The following DMD variants were observed in gnomAD, a reference collection of about 807,000 sequenced individuals.
DMD encodes the protein mutant dystrophin.
In DMD, 63 loss-of-function variants were observed where a neutral mutation model predicts 330.1. That is an observed-to-expected ratio of 0.19 (90% confidence interval 0.16 to 0.24). The LOEUF is 0.24. Ranked by LOEUF, DMD falls within the 10% of genes least tolerant of loss-of-function variation. The pLI is 1.00. For synonymous variants in DMD, 1,223 were observed against 959.8 expected (o/e 1.27, Z -5.07); for missense variants, 3,344 against 2,684.1 (o/e 1.25, Z -5.43).
chrX:31,583,320 T>G (rs772219423), intron 55 of DMD, among the ~76,000 whole-genome samples: 5 of 111,360 alleles, frequency 4.5e-5, no homozygotes, highest in Non-Finnish European at 7.5e-5. Flanking sequence ...GTGCTGAGGG[T>G]AGGATCTGGG....
chrX:32,797,752 T>C lies in DMD; in HGVS notation c.649+11741A>G, dbSNP rs57653996. ...AATTTATTAATGTCTTGTCAATCATTCAAAAATCACTTAATGTCACTGTAT... is the reference window on the plus strand; with the variant it reads ...AATTTATTAATGTCTTGTCAATCATCCAAAAATCACTTAATGTCACTGTAT... On this transcript the variant is annotated intron_variant, in intron 7 of 78. Transcript: ENST00000357033. 1.4e-3 allele frequency among the ~76,000 whole-genome samples: 160 copies of C among 111,540 alleles called. 1 individual carries two copies. In the East Asian group the frequency reaches 0.038, roughly 27 times the overall value.
At chrX:31,512,950 A>T (rs2071785570) in intron 55 of DMD, among the ~76,000 whole-genome samples, 1 of 107,677 alleles carries the variant, frequency 9.3e-6, no homozygotes, top group Admixed American at 1.0e-4. Context: ...CACAATATTG[A>T]TTCTTCCTAC....
Position 31,961,738 on chromosome X carries a change from C to CG in DMD, c.6614+6600dup, listed in dbSNP as rs1385971629. On this transcript the variant is annotated intron_variant, in intron 45 of 78. Transcript: ENST00000357033. ...GGAAAGAGAATTCAACCAAAGGAAG[C>CG]GGTTTTTTTTTTTTTTTGTCTTGTT... is the stretch of plus-strand genomic sequence containing the variant. 7.0e-3 allele frequency among the ~76,000 whole-genome samples: 457 copies of CG among 65,430 alleles called. 9 individuals are homozygous for CG. Among genetic ancestry groups the CG allele is most frequent in the African/African-American group, 0.039 (434 of 11,105 alleles). The allele number at this position is 65,430 out of a possible 115,157, so 56.8% of individuals were successfully genotyped here.
intron 47 of DMD, among the ~76,000 whole-genome samples, chrX:31,907,322 G>C (rs1271834687): frequency 9.0e-6 from 1 of 111,702 alleles, no homozygotes; most frequent in African/African-American, 3.3e-5. Context: ...GGAAACTAAG[G>C]CTACTGTAAC....
intron 16 of DMD, among the ~76,000 whole-genome samples, chrX:32,559,125 G>C (rs184240096): frequency 5.6e-4 from 60 of 107,862 alleles, no homozygotes; most frequent in African/African-American, 1.8e-3. Context: ...TACTTTTTTT[G>C]TATTTTTAGT....
rs780778975 is a variant in DMD at position 32,346,000 on chromosome X, C to T, written c.5529G>A (p.Lys1843=). The change falls in exon 39 of 79, where the codon AAG becomes AAA. Residue 1843 remains lysine, a synonymous_variant. Coordinates refer to ENST00000357033, the MANE Select transcript of DMD (RefSeq NM_004006.3). ...GCTGTTTTATCTTTATTTCCTCTCG[C>T]TTTCTCTCATCTGTGATTCTTTGTT... The part of the protein sequence containing the change: ...NLQQRITDER[K]REEIKIKQQL... The T allele has an allele frequency of 1.1e-5, 13 of 1,209,623 alleles. No individual in the cohort carries two copies. In the Admixed American group the frequency reaches 1.7e-4, roughly 16 times the overall value.
chrX:32,466,770 A>C (rs1197416539), intron 23 of DMD, among the ~76,000 whole-genome samples: 1 of 111,495 alleles, frequency 9.0e-6, no homozygotes, highest in Non-Finnish European at 1.9e-5. Context: ...GAGACAAGGA[A>C]TGCTTCTAGA....
chrX:31,617,778 GTTCATTGCTGCACTATTCCCA>G lies in DMD; in HGVS notation c.8217+9874_8217+9894del, dbSNP rs766413376. Among the ~76,000 whole-genome samples the G allele has an allele frequency of 3.6e-5, 4 of 111,296 alleles. No homozygotes were observed. The East Asian group carries it at 1.1e-3, about 32-fold the overall frequency. On this transcript the variant is annotated intron_variant, in intron 55 of 78. Coordinates refer to ENST00000357033, the MANE Select transcript of DMD (RefSeq NM_004006.3). ...ACCATAAAGACACATGCAGCTGTAT[GTTCATTGCTGCACTATTCCCA>G]ATACCAAAGACATGGAATCAACCTA...
intron 60 of DMD, among the ~76,000 whole-genome samples, chrX:31,359,284 A>G (rs1169644320): frequency 8.9e-6 from 1 of 112,303 alleles, no homozygotes; most frequent in Non-Finnish European, 1.9e-5. Context: ...ACAGATTCTT[A>G]GCTCGTCTAA....
At position 31,358,827 on chromosome X, in the gene DMD, T is replaced by G. The variant is rs2058791864; in HGVS notation, c.9085-10193A>C. The stretch of plus-strand genomic sequence containing the variant: ...CCTGAAATTGTCAACGAAGTGTAGG[T>G]AAAGTTAAGGCGGGGCCCTAGGCTG... On this transcript the variant is annotated intron_variant, in intron 60 of 78. Transcript: ENST00000357033. Among the ~76,000 whole-genome samples, 3 of 112,330 alleles carry G rather than the reference T, an allele frequency of 2.7e-5. No individual in the cohort carries two copies. In the South Asian group the frequency reaches 1.1e-3, roughly 41 times the overall value.
chrX:32,040,142 A>G (rs143839223), intron 44 of DMD, among the ~76,000 whole-genome samples: 2 of 112,133 alleles, frequency 1.8e-5, no homozygotes, highest in Non-Finnish European at 3.8e-5. Flanking sequence ...TTTAGCACGC[A>G]TATTATTGGG....
rs772173345 is a variant in DMD at position 32,645,217 on chromosome X, A to C, written c.961-65T>G. ...CTTTGCAGATTGTTCCAGTACATTA[A>C]ATGATGAATCGAATGAAATATTTAA... On this transcript the variant is annotated intron_variant, in intron 9 of 78. Transcript: ENST00000357033. 2.7e-6 allele frequency: 3 copies of C among 1,102,691 alleles called. No homozygotes were observed. The South Asian group carries it at 5.7e-5, about 21-fold the overall frequency. 90.9% of individuals were successfully genotyped at this position (1,102,691 alleles called of 1,213,427 possible).
intron 51 of DMD, among the ~76,000 whole-genome samples, chrX:31,753,853 T>C (rs2088817700): frequency 8.9e-6 from 1 of 111,769 alleles, no homozygotes; most frequent in African/African-American, 3.2e-5. Flanking sequence ...AAATTTAAAA[T>C]GTTGCTGATG....
At chrX:31,143,705 CTTTAA>C (rs1032712640) in intron 76 of DMD, among the ~76,000 whole-genome samples, 6 of 111,760 alleles carry the variant, frequency 5.4e-5, no homozygotes, top group African/African-American at 9.8e-5. Flanking sequence ...CTAATGTGCA[CTTTAA>C]TTTGAGTGCT....
chrX:32,439,948 C>A (rs1049527345), intron 28 of DMD, among the ~76,000 whole-genome samples: 3 of 110,872 alleles, frequency 2.7e-5, no homozygotes, highest in African/African-American at 9.8e-5. Context: ...AGTTTTGTTT[C>A]CCCATCTTTT....
intron 7 of DMD, among the ~76,000 whole-genome samples, chrX:32,771,424 T>C (rs1398101688): frequency 1.8e-5 from 2 of 110,677 alleles, no homozygotes; most frequent in Non-Finnish European, 3.8e-5. Flanking sequence ...GCAAACTAAG[T>C]AGATTTCTAA....
At chrX:32,585,416 G>A (rs1033838187) in intron 13 of DMD, among the ~76,000 whole-genome samples, 2 of 110,729 alleles carry the variant, frequency 1.8e-5, no homozygotes, top group Admixed American at 9.7e-5. Flanking sequence ...ATTATTGGCC[G>A]GGTGGCCGGG....
At chrX:32,609,535 T>C (rs1569301356) in intron 12 of DMD, among the ~76,000 whole-genome samples, 1 of 111,188 alleles carries the variant, frequency 9.0e-6, no homozygotes, top group Admixed American at 9.6e-5. Context: ...TGTTCAGTGA[T>C]ATGGAATAGA....
chrX:31,810,022 ATG>A (rs746600025), intron 50 of DMD, among the ~76,000 whole-genome samples: 1 of 107,932 alleles, frequency 9.3e-6, no homozygotes, highest in East Asian at 3.0e-4. Context: ...GGGAAGGTTG[ATG>A]TATTTGATCT....
Sources: gnomAD v4.1 joint callset for allele counts (sites outside exome capture counted in the v4.1 genomes callset) on GRCh38, gnomAD v4.1.1 for gene constraint, MANE v1.5 for transcripts, NCBI Gene and HGNC (gene_info 2026-07-23, HGNC 2026-07-21) for gene names.